Variants in KBTBD8 observed in about 807,000 individuals in gnomAD.
KBTBD8 encodes the protein kelch repeat and BTB domain containing 8, also known as kelch repeat and BTB domain-containing protein 8.
In KBTBD8, 31 loss-of-function variants were observed where a neutral mutation model predicts 53.5. That is an observed-to-expected ratio of 0.58 (90% CI 0.44 to 0.78). The LOEUF is 0.78. KBTBD8 is among the 30% of genes least tolerant of loss of function. The pLI is 0.00. For synonymous variants in KBTBD8, 250 were observed against 247.3 expected (o/e 1.01, Z -0.10); for missense variants, 642 against 735.8 (o/e 0.87, Z 1.48).
chr3:67,003,111 TG>T, intron 2 of KBTBD8, 83 bp from the exon 3 acceptor site: 1 of 1,324,606 alleles, frequency 7.5e-7, no homozygotes, highest in Non-Finnish European at 1.1e-6. Context: ...GTTATCTTTG[TG>T]GTAACTTTGT....
chr3:67,003,459 T>C lies in KBTBD8; in HGVS notation c.492T>C (p.His164=), dbSNP rs1702035168. The change falls in exon 3 of 4, where the codon CAT becomes CAC. Residue 164 remains histidine (H), a synonymous_variant. Coordinates refer to ENST00000417314, the MANE Select transcript of KBTBD8 (RefSeq NM_032505.3). The part of the protein sequence containing the change: ...GVFIFADHYG[H]QELGDRSKEY... ...TTATCTTTGCTGATCATTATGGTCATCAGGAACTCGGAGATCGATCAAAAG... is the reference window on the plus strand; with the variant it reads ...TTATCTTTGCTGATCATTATGGTCACCAGGAACTCGGAGATCGATCAAAAG... 1.9e-6 allele frequency: 3 copies of C among 1,614,196 alleles called. No individual in the cohort carries two copies. The Admixed American group carries it at 5.0e-5, about 27-fold the overall frequency.
In KBTBD8 at chr3:67,004,244, C is replaced by T. The variant is rs757611074; in HGVS notation, c.1277C>T (p.Ala426Val). Residue 426 changes from alanine (A) to valine (V), a missense_variant, in exon 3 of 4, where the codon GCG becomes GTG. Physicochemically the swap from Ala to Val is moderately conservative, Grantham distance 64. Transcript: ENST00000417314. ...GAGAATTGTTGGACGACTGTTTGCG[C>T]GATGCCAGTTGCAATGGAATTTCAT... ...SRENCWTTVCAMPVAMEFHNA... is the reference protein window; with the variant it reads ...SRENCWTTVCVMPVAMEFHNA... 10 of 1,613,968 alleles carry T rather than the reference C, an allele frequency of 6.2e-6. No homozygotes were observed. The highest frequency in any genetic ancestry group is 5.0e-5 in the Admixed American group (3 of 59,994).
intron 1 of KBTBD8, 26 bp downstream of exon 1, chr3:66,998,397 C>A: frequency 1.2e-6 from 1 of 813,704 alleles, no homozygotes; most frequent in South Asian, 4.5e-5. Flanking sequence ...GCCAGGGCGG[C>A]GTGGAGGGAG....
At chr3:67,005,570 A>C (rs1028161592) in intron 3 of KBTBD8, among the ~76,000 whole-genome samples, 1 of 152,112 alleles carries the variant, frequency 6.6e-6, no homozygotes, top group African/African-American at 2.4e-5. Context: ...ATTTCTCAGA[A>C]TATGTCCCTG....
intron 3 of KBTBD8, among the ~76,000 whole-genome samples, chr3:67,004,857 T>C (rs2106759705): frequency 6.6e-6 from 1 of 152,362 alleles, no homozygotes; most frequent in Non-Finnish European, 1.5e-5. Flanking sequence ...TTTGGAAGTA[T>C]GGTCTTCAAG....
rs940507534 is a variant in KBTBD8, at chr3:67,003,693, T to C, written c.726T>C (p.Phe242=). 3 of 1,614,076 alleles carry C rather than the reference T, an allele frequency of 1.9e-6. No homozygotes were observed. In the African/African-American group the frequency reaches 4.0e-5, roughly 22 times the overall value. The part of the protein sequence containing the change: ...LPEIFAKCIR[F]PLMEDTFIEK... ...AAATTTTTGCTAAATGCATACGTTT[T>C]CCTCTGATGGAAGATACCTTTATAG... is the stretch of plus-strand genomic sequence containing the variant. Residue 242 remains phenylalanine (F), a synonymous_variant, in exon 3 of 4, where the codon TTT becomes TTC. Coordinates refer to ENST00000417314, the MANE Select transcript of KBTBD8 (RefSeq NM_032505.3).
chr3:67,006,063 A>G (rs1307433921), intron 3 of KBTBD8, among the ~76,000 whole-genome samples: 1 of 152,290 alleles, frequency 6.6e-6, no homozygotes, highest in East Asian at 1.9e-4. Context: ...TCCTTATTTT[A>G]GTTAAATAGA....
In KBTBD8 at chr3:67,004,165, T is replaced by C; in HGVS notation, c.1198T>C (p.Tyr400His). 6.2e-7 allele frequency: 1 copy of C among 1,614,226 alleles called. No individual in the cohort carries two copies. Among genetic ancestry groups the C allele is most frequent in the Non-Finnish European group, 8.5e-7 (1 of 1,180,032 alleles). ...AATGTATGCAATCGGAGGTCGTGTT[T>C]ATGAAGGTGATGGGAGAAACTCACT... The part of the protein sequence containing the change: ...GKMYAIGGRV[Y>H]EGDGRNSLKS... The change falls in exon 3 of 4, where the codon TAT (tyrosine) becomes CAT (histidine). Residue 400 changes from tyrosine (Y) to histidine (H), a missense_variant. Transcript: ENST00000417314.
rs372723393 is a variant in KBTBD8 at position 67,005,221 on chromosome 3, CTTAA to C, written c.1342+915_1342+918del. 1.1e-3 allele frequency among the ~76,000 whole-genome samples: 163 copies of C among 152,258 alleles called. 3 individuals carry two copies. The highest frequency in any genetic ancestry group is 3.8e-3 in the African/African-American group (156 of 41,546). On this transcript the variant is annotated intron_variant, in intron 3 of 3. Transcript: ENST00000417314. ...ACATCCTTATTCCTCGTATGTGTCT[CTTAA>C]TTGATGTTTTTCTCACACTACTACT...
chr3:66,999,126 A>G lies in KBTBD8; in HGVS notation c.162A>G (p.Glu54=). 6.2e-7 allele frequency: 1 copy of G among 1,614,236 alleles called. No homozygotes were observed. The highest frequency in any genetic ancestry group is 8.5e-7 in the Non-Finnish European group (1 of 1,180,026). ...GACAGTTGACAGACATTGTAGTGGAAGTGGATCACGGGAAAACATTTTCCT... is the reference window on the plus strand; with the variant it reads ...GACAGTTGACAGACATTGTAGTGGAGGTGGATCACGGGAAAACATTTTCCT... ...DEGQLTDIVV[E]VDHGKTFSCH... is the part of the protein sequence containing the mutation. Residue 54 remains glutamate, a synonymous_variant, in exon 2 of 4, where the codon GAA becomes GAG. Coordinates refer to ENST00000417314, the MANE Select transcript of KBTBD8 (RefSeq NM_032505.3).
Position 67,008,048 on chromosome 3 carries a change from G to C in KBTBD8, c.1469G>C (p.Cys490Ser), listed in dbSNP as rs749700317. 4 of 1,613,924 alleles carry C rather than the reference G, an allele frequency of 2.5e-6. No homozygotes were observed. Among genetic ancestry groups the C allele is most frequent in the Non-Finnish European group, 3.4e-6 (4 of 1,179,958 alleles). The change falls in exon 4 of 4, where the codon TGT becomes TCT. Residue 490 changes from cysteine to serine, a missense_variant. Cys to Ser is a moderately radical substitution (Grantham distance 112). Transcript: ENST00000417314. Reference sequence around the variant, plus strand: ...TCTATCTACTACATAGCTGGAACCTGTGGAAATCATCAACGTATGTTTACT... The same window carrying C: ...TCTATCTACTACATAGCTGGAACCTCTGGAAATCATCAACGTATGTTTACT... ...KDSIYYIAGT[C>S]GNHQRMFTVE...
chr3:67,003,763 G>A lies in KBTBD8; in HGVS notation c.796G>A (p.Val266Ile). Residue 266 changes from valine to isoleucine, a missense_variant, in exon 3 of 4, where the codon GTA becomes ATA. By Grantham distance (29) the Val-to-Ile change is conservative. Coordinates refer to ENST00000417314, the MANE Select transcript of KBTBD8 (RefSeq NM_032505.3). ...QFAQAIAKSC[V>I]EKGPSNTNGC... ...TGCACAGGCTATAGCCAAAAGCTGT[G>A]TAGAAAAGGGACCATCCAACACCAA... The A allele has an allele frequency of 1.9e-6, 3 of 1,614,158 alleles. No homozygotes were observed. The highest frequency in any genetic ancestry group is 2.5e-6 in the Non-Finnish European group (3 of 1,180,006).
At position 66,998,354 on chromosome 3, in the gene KBTBD8, A is replaced by ATCTACAC; in HGVS notation, c.-2_-1insTCTACAC. On this transcript the variant is annotated 5_prime_UTR_variant, in exon 1 of 4. Transcript: ENST00000417314. The stretch of plus-strand genomic sequence containing the variant: ...TAGCTGGAGTCGGGGCCCCATCGAG[A>ATCTACAC]AATGGCCGCGTCGGCAGGTGGGTCG... 1 of 1,293,910 alleles carries ATCTACAC rather than the reference A, an allele frequency of 7.7e-7. No homozygotes were observed. The highest frequency in any genetic ancestry group is 9.9e-7 in the Non-Finnish European group (1 of 1,012,120). 80.2% of individuals were successfully genotyped at this position (1,293,910 alleles called of 1,614,324 possible).
At chr3:66,999,242 C>A in intron 2 of KBTBD8, 51 bp downstream of exon 2, 1 of 1,378,904 alleles carries the variant, frequency 7.3e-7, no homozygotes, top group South Asian at 1.2e-5. Context: ...GCTCCCTTTC[C>A]CCCTCAGTAT....
intron 2 of KBTBD8, among the ~76,000 whole-genome samples, chr3:67,002,906 C>G (rs747540514): frequency 1.3e-5 from 2 of 152,262 alleles, no homozygotes; most frequent in East Asian, 1.9e-4. Flanking sequence ...ATAAAGTGAC[C>G]TGGAATATGT....
rs1222341362 is a variant in KBTBD8, at chr3:67,008,216, A to C, written c.1637A>C (p.Glu546Ala). ...LFVRATQVTV[E>A]EHVFRTSRKN... ...GTTCGAGCTACTCAAGTGACTGTTG[A>C]AGAACACGTCTTCAGAACCAGCAGA... is the stretch of plus-strand genomic sequence containing the variant. Residue 546 changes from glutamate (E) to alanine (A), a missense_variant, in exon 4 of 4, where the codon GAA becomes GCA. Coordinates refer to ENST00000417314, the MANE Select transcript of KBTBD8 (RefSeq NM_032505.3). 6.2e-7 allele frequency: 1 copy of C among 1,614,174 alleles called. No individual in the cohort carries two copies. Among genetic ancestry groups the C allele is most frequent in the East Asian group, 2.2e-5 (1 of 44,890 alleles).
chr3:67,008,503 G>A lies in KBTBD8; in HGVS notation c.*118G>A. 1.5e-6 allele frequency: 1 copy of A among 686,796 alleles called. No homozygotes were observed. The allele number at this position is 686,796 out of a possible 1,614,324, so 42.5% of individuals were successfully genotyped here. A position where few individuals can be genotyped will look rare whatever the true frequency, so the allele number is the denominator to read the frequency against. On this transcript the variant is annotated 3_prime_UTR_variant, in exon 4 of 4. Transcript: ENST00000417314. ...AGAGAGTTTTATACATGGAAAATGG[G>A]TATGCTTAAAGATTGCAGGGTAGGG... is the stretch of plus-strand genomic sequence containing the variant.
At chr3:67,002,320 A>G (rs1394578643) in intron 2 of KBTBD8, among the ~76,000 whole-genome samples, 1 of 152,150 alleles carries the variant, frequency 6.6e-6, no homozygotes, top group Non-Finnish European at 1.5e-5. Flanking sequence ...CAGCATTCAA[A>G]AGATGACAGT....
intron 2 of KBTBD8, 143 bp downstream of exon 2, chr3:66,999,334 C>A (rs971682042): frequency 2.8e-5 from 20 of 726,236 alleles, no homozygotes; most frequent in Non-Finnish European, 4.7e-5. Flanking sequence ...AACAAGTCCT[C>A]TCTTAACTAA....
Sources: gnomAD v4.1 joint callset for allele counts (sites outside exome capture counted in the v4.1 genomes callset) on GRCh38, gnomAD v4.1.1 for gene constraint, MANE v1.5 for transcripts, NCBI Gene and HGNC (gene_info 2026-07-23, HGNC 2026-07-21) for gene names.